Variants in VAMP3 observed in about 807,000 individuals in gnomAD.
VAMP3 encodes the protein vesicle-associated membrane protein 3.
A neutral mutation model predicts 18.1 loss-of-function variants in VAMP3; 11 were observed. That is an observed-to-expected ratio of 0.61 (90% CI 0.38 to 1.00). The LOEUF (loss-of-function observed/expected upper bound fraction) is 1.00, where lower values mean the gene tolerates loss of function less well. Ranked by LOEUF, VAMP3 falls within the 50% of genes least tolerant of loss-of-function variation. The probability of loss-of-function intolerance (pLI) is 0.01; values close to 1 mark genes in which losing one functional copy is unlikely to be tolerated. For missense variants in VAMP3, 122 were observed against 127.3 expected (o/e 0.96, Z 0.20); for synonymous variants, 49 against 43.1 (o/e 1.14, Z -0.53).
chr1:7,771,347 C>G lies in VAMP3; in HGVS notation c.-37C>G. ...TCCCAACTTCGCTTCTCTGCTGACC[C>G]TCTCTCGTCGCCGCTGCCGCCGCCG... is the stretch of plus-strand genomic sequence containing the variant. On this transcript the variant is annotated 5_prime_UTR_variant, in exon 1 of 5. Coordinates refer to ENST00000054666, the MANE Select transcript of VAMP3 (RefSeq NM_004781.4). 6.3e-7 allele frequency: 1 copy of G among 1,593,442 alleles called. No individual in the cohort carries two copies. The highest frequency in any genetic ancestry group is 1.1e-5 in the South Asian group (1 of 89,966).
chr1:7,773,336 A>G (rs2097052376), intron 1 of VAMP3, 106 bp from the exon 2 acceptor site: 1 of 856,780 alleles, frequency 1.2e-6, no homozygotes, highest in Admixed American at 2.6e-5. Context: ...TTTAGTTCTA[A>G]TGTAAGAGAT....
At chr1:7,773,108 T>A (rs1034584877) in intron 1 of VAMP3, 4 of 240,742 alleles carry the variant, frequency 1.7e-5, no homozygotes, top group Admixed American at 5.5e-5. Context: ...AAGTACTGAG[T>A]ACATTCAAGC....
Position 7,780,315 on chromosome 1 carries a change from C to A in VAMP3, c.*670C>A, listed in dbSNP as rs1329440974. 1 of 152,776 alleles carries A rather than the reference C, an allele frequency of 6.5e-6. No individual in the cohort carries two copies. Among genetic ancestry groups the A allele is most frequent in the Non-Finnish European group, 1.5e-5 (1 of 68,050 alleles). The allele number at this position is 152,776 out of a possible 1,614,324, so 9.5% of individuals were successfully genotyped here. On this transcript the variant is annotated 3_prime_UTR_variant, in exon 5 of 5. Coordinates refer to ENST00000054666, the MANE Select transcript of VAMP3 (RefSeq NM_004781.4). ...AGAACTATGGCTATGACCAAAGCTT[C>A]TATTTTGCCAAAAAGTTAAATACCG...
At chr1:7,778,533 C>CAA (rs888114639) in intron 4 of VAMP3, among the ~76,000 whole-genome samples, 3 of 136,568 alleles carry the variant, frequency 2.2e-5, no homozygotes, top group Non-Finnish European at 4.8e-5. Flanking sequence ...GACCTTTTCT[C>CAA]AAAAAAAAAA....
At chr1:7,774,188 G>A (rs1035241719) in intron 2 of VAMP3, among the ~76,000 whole-genome samples, 2 of 152,128 alleles carry the variant, frequency 1.3e-5, no homozygotes, top group Non-Finnish European at 2.9e-5. Context: ...TAGCTGCCCT[G>A]AAAAAACAGT....
intron 1 of VAMP3, 33 bp downstream of exon 1, chr1:7,771,418 G>C (rs767522566): frequency 6.5e-7 from 1 of 1,547,066 alleles, no homozygotes; most frequent in East Asian, 2.6e-5. Flanking sequence ...GGCGGCTTCG[G>C]GCCCCGCAGG....
At position 7,779,822 on chromosome 1, in the gene VAMP3, G is replaced by C; in HGVS notation, c.*177G>C. On this transcript the variant is annotated 3_prime_UTR_variant, in exon 5 of 5. Transcript: ENST00000054666. ...TTTAATATGCACTCCAAATTAGAAGGCCGGCCCCGTCCACATTTTGCACAG... is the reference window on the plus strand; with the variant it reads ...TTTAATATGCACTCCAAATTAGAAGCCCGGCCCCGTCCACATTTTGCACAG... 1 of 756,226 alleles carries C rather than the reference G, an allele frequency of 1.3e-6. No homozygotes were observed. Among genetic ancestry groups the C allele is most frequent in the Non-Finnish European group, 2.1e-6 (1 of 474,028 alleles). 46.8% of individuals were successfully genotyped at this position (756,226 alleles called of 1,614,324 possible).
intron 4 of VAMP3, among the ~76,000 whole-genome samples, chr1:7,779,200 A>T (rs904701661): frequency 1.3e-5 from 2 of 152,160 alleles, no homozygotes; most frequent in Admixed American, 1.3e-4. Flanking sequence ...GTCTCAAAAA[A>T]ATAAATAAAT....
chr1:7,775,279 A>T (rs1381133397), intron 2 of VAMP3, among the ~76,000 whole-genome samples: 2 of 152,150 alleles, frequency 1.3e-5, no homozygotes, highest in African/African-American at 4.8e-5. Flanking sequence ...TTTCTTTATC[A>T]GACATGTGAT....
In VAMP3 at chr1:7,773,464, A is replaced by C. The variant is rs772136702; in HGVS notation, c.25A>C (p.Thr9Pro). 2.5e-6 allele frequency: 4 copies of C among 1,614,196 alleles called. No individual in the cohort carries two copies. The South Asian group carries it at 4.4e-5, about 18-fold the overall frequency. ...CAGGTCTACAGGTCCAACTGCTGCCACTGGCAGTAATCGAAGACTTCAGCA... is the reference window on the plus strand; with the variant it reads ...CAGGTCTACAGGTCCAACTGCTGCCCCTGGCAGTAATCGAAGACTTCAGCA... MSTGPTAA[T>P]GSNRRLQQTQ... Residue 9 changes from threonine to proline, a missense_variant, in exon 2 of 5, where the codon ACT becomes CCT. Transcript: ENST00000054666.
At chr1:7,771,449 G>A (rs2097050563) in intron 1 of VAMP3, 64 bp downstream of exon 1, 4 of 1,483,794 alleles carry the variant, frequency 2.7e-6, no homozygotes. Flanking sequence ...CGCTGGGACC[G>A]CCATACTGCC....
At position 7,779,545 on chromosome 1, in the gene VAMP3, C is replaced by T; in HGVS notation, c.284-81C>T. ...ATTTCTGATCACATTTAGACTGCAGCATTGGATGTTGGCTTGGGATTCACA... is the reference window on the plus strand; with the variant it reads ...ATTTCTGATCACATTTAGACTGCAGTATTGGATGTTGGCTTGGGATTCACA... On this transcript the variant is annotated intron_variant, in intron 4 of 4. Transcript: ENST00000054666. 2.5e-6 allele frequency: 4 copies of T among 1,586,092 alleles called. No homozygotes were observed. The South Asian group carries it at 4.4e-5, about 18-fold the overall frequency.
intron 4 of VAMP3, 27 bp downstream of exon 4, chr1:7,778,196 G>A (rs375309666): frequency 6.2e-7 from 1 of 1,611,538 alleles, no homozygotes; most frequent in African/African-American, 1.3e-5. Flanking sequence ...TAAACTGATT[G>A]GAAAAGTCTT....
At position 7,779,764 on chromosome 1, in the gene VAMP3, A is replaced by G. The variant is rs1190521392; in HGVS notation, c.*119A>G. 1.1e-5 allele frequency: 15 copies of G among 1,395,968 alleles called. No homozygotes were observed. Among genetic ancestry groups the G allele is most frequent in the Non-Finnish European group, 1.4e-5 (14 of 1,005,642 alleles). The allele number at this position is 1,395,968 out of a possible 1,614,324, so 86.5% of individuals were successfully genotyped here. On this transcript the variant is annotated 3_prime_UTR_variant, in exon 5 of 5. Coordinates refer to ENST00000054666, the MANE Select transcript of VAMP3 (RefSeq NM_004781.4). ...TCTAAAATTTTTTTTGTGTTAATGT[A>G]AAGTTGAATTTCTAGGAAACGTGCC...
chr1:7,778,039 A>G (rs1017838674), intron 3 of VAMP3, 79 bp from the exon 4 acceptor site: 28 of 1,482,124 alleles, frequency 1.9e-5, no homozygotes, highest in Non-Finnish European at 2.5e-5. Flanking sequence ...CAGTGACTAG[A>G]TGAATATTAT....
chr1:7,772,882 T>G (rs779380875), intron 1 of VAMP3: 5 of 152,602 alleles, frequency 3.3e-5, no homozygotes, highest in Admixed American at 6.5e-5. Flanking sequence ...GGAGCGAAAC[T>G]CCGTCTCTCA....
intron 2 of VAMP3, among the ~76,000 whole-genome samples, chr1:7,774,390 T>G (rs1309125626): frequency 6.6e-6 from 1 of 152,164 alleles, no homozygotes; most frequent in Non-Finnish European, 1.5e-5. Flanking sequence ...TAAGGAGAGT[T>G]GTTTTTTTAT....
In VAMP3 at chr1:7,771,341, C is replaced by A. The variant is rs763280032; in HGVS notation, c.-43C>A. The stretch of plus-strand genomic sequence containing the variant: ...CTCCGGTCCCAACTTCGCTTCTCTG[C>A]TGACCCTCTCTCGTCGCCGCTGCCG... On this transcript the variant is annotated 5_prime_UTR_variant, in exon 1 of 5. It adds an upstream start codon to the 5' untranslated region. Transcript: ENST00000054666. 4 of 1,593,784 alleles carry A rather than the reference C, an allele frequency of 2.5e-6. No homozygotes were observed. Among genetic ancestry groups the A allele is most frequent in the Non-Finnish European group, 1.7e-6 (2 of 1,172,874 alleles).
intron 2 of VAMP3, chr1:7,776,743 G>A (rs2097054437): frequency 6.5e-6 from 1 of 153,776 alleles, no homozygotes; most frequent in South Asian, 2.1e-4. Context: ...GTGAAAGTTT[G>A]GCTCAAAGTA....
Sources: allele counts gnomAD v4.1 joint callset (sites outside exome capture counted in the v4.1 genomes callset), GRCh38; gene constraint gnomAD v4.1.1; transcripts MANE v1.5; gene names NCBI Gene and HGNC (gene_info 2026-07-23, HGNC 2026-07-21).